The following DNAJC6 variants were observed in gnomAD, a reference collection of about 807,000 sequenced individuals.
DNAJC6 encodes auxilin.
Under a neutral mutation model 110.0 loss-of-function variants are expected in DNAJC6, and 34 were observed. The observed-to-expected ratio is 0.31, with a 90% CI of 0.24 to 0.41. The LOEUF is 0.41. Among genes scored for constraint, DNAJC6 ranks in the 10% least tolerant of loss-of-function variants. DNAJC6 has a pLI of 1.00. For synonymous variants in DNAJC6, 406 were observed against 437.2 expected, an observed-to-expected ratio of 0.93 and a Z score of 0.89; for missense variants, 1,031 against 1,207.8, an observed-to-expected ratio of 0.85 and a Z score of 2.17.
At chr1:65,300,604 A>C (rs1644970244) in intron 1 of DNAJC6, among the ~76,000 whole-genome samples, 1 of 152,220 alleles carries the variant, frequency 6.6e-6, no homozygotes, top group Non-Finnish European at 1.5e-5. Context: ...GATCACTAGC[A>C]ATCACTGCTT....
chr1:65,358,188 A>T (rs1321334064), intron 1 of DNAJC6, among the ~76,000 whole-genome samples: 2 of 151,678 alleles, frequency 1.3e-5, no homozygotes, highest in Non-Finnish European at 2.9e-5. Context: ...CAAAAAAAAA[A>T]AAAAAAAAAA....
chr1:65,275,285 A>G (rs1279624676), intron 1 of DNAJC6, among the ~76,000 whole-genome samples: 1 of 152,194 alleles, frequency 6.6e-6, no homozygotes, highest in Non-Finnish European at 1.5e-5. Flanking sequence ...AAATATTCTC[A>G]GTTTTTATGA....
chr1:65,385,698 A>G lies in DNAJC6; in HGVS notation c.801-14A>G, dbSNP rs758557034. On this transcript the variant is annotated splice_polypyrimidine_tract_variant and intron_variant, in intron 6 of 18. Coordinates refer to ENST00000371069, the MANE Select transcript of DNAJC6 (RefSeq NM_001256864.2). ...TGTGATGGGCCCCAAGAGAGTGCCA[A>G]CCTTCTGTTTCAGATACCTGGGCTA... is the stretch of plus-strand genomic sequence containing the variant. 6.4e-7 allele frequency: 1 copy of G among 1,566,730 alleles called. No individual in the cohort carries two copies. The highest frequency in any genetic ancestry group is 8.7e-7 in the Non-Finnish European group (1 of 1,147,788).
chr1:65,399,863 G>A (rs1159602666), intron 14 of DNAJC6, among the ~76,000 whole-genome samples: 4 of 152,110 alleles, frequency 2.6e-5, no homozygotes, highest in Non-Finnish European at 5.9e-5. Flanking sequence ...CATGTGACAG[G>A]ATTTCCTTCT....
At chr1:65,363,467 A>G (rs150179863) in intron 1 of DNAJC6, among the ~76,000 whole-genome samples, 1 of 152,272 alleles carries the variant, frequency 6.6e-6, no homozygotes, top group African/African-American at 2.4e-5. Context: ...ACTATGGAGA[A>G]TATCACATTG....
intron 13 of DNAJC6, 71 bp from the exon 14 acceptor site, chr1:65,398,742 T>C: frequency 6.6e-7 from 1 of 1,521,418 alleles, no homozygotes; most frequent in Non-Finnish European, 9.1e-7. Context: ...AATGGCATTA[T>C]CCTGTGTGAA....
chr1:65,361,823 A>AT (rs1019387003), intron 1 of DNAJC6, among the ~76,000 whole-genome samples: 2 of 152,180 alleles, frequency 1.3e-5, no homozygotes, highest in African/African-American at 2.4e-5. Context: ...TATGTATGTT[A>AT]TCAAAGTCAT....
At chr1:65,289,808 T>C (rs1466008942) in intron 1 of DNAJC6, among the ~76,000 whole-genome samples, 2 of 151,398 alleles carry the variant, frequency 1.3e-5, no homozygotes, top group Non-Finnish European at 2.9e-5. Context: ...ACTGTGTCAT[T>C]GTTGTTTTTT....
At position 65,309,985 on chromosome 1, in the gene DNAJC6, C is replaced by T. The variant is rs1387601175; in HGVS notation, c.193+47C>T. 8 of 1,361,596 alleles carry T rather than the reference C, an allele frequency of 5.9e-6. No individual in the cohort carries two copies. The East Asian group carries it at 1.9e-4, about 32-fold the overall frequency. The allele number at this position is 1,361,596 out of a possible 1,614,324, so 84.3% of individuals were successfully genotyped here. ...GCAGCGCTGAGCCCCGCGCGGCCTC[C>T]GGAGCCTCCCAGTCGCCCGGCCCGA... On this transcript the variant is annotated intron_variant, in intron 1 of 18. Transcript: ENST00000371069.
chr1:65,278,738 G>A (rs567091117), intron 1 of DNAJC6, among the ~76,000 whole-genome samples: 1 of 152,306 alleles, frequency 6.6e-6, no homozygotes, highest in Non-Finnish European at 1.5e-5. Flanking sequence ...TTATGGACGA[G>A]GGAATTGAAG....
intron 4 of DNAJC6, among the ~76,000 whole-genome samples, chr1:65,368,883 T>C (rs1382784852): frequency 2.0e-5 from 3 of 151,558 alleles, no homozygotes; most frequent in Non-Finnish European, 2.9e-5. Context: ...CTGATTCTTG[T>C]ACCTCAGTCA....
chr1:65,366,766 G>A (rs933715689), intron 4 of DNAJC6, among the ~76,000 whole-genome samples: 10 of 152,062 alleles, frequency 6.6e-5, no homozygotes, highest in African/African-American at 9.7e-5. Context: ...CTAAAAAAAG[G>A]CATTTTTTTC....
In DNAJC6 at chr1:65,389,619, G is replaced by A; in HGVS notation, c.1460G>A (p.Cys487Tyr). 1.2e-6 allele frequency: 2 copies of A among 1,614,016 alleles called. No homozygotes were observed. The highest frequency in any genetic ancestry group is 1.7e-6 in the Non-Finnish European group (2 of 1,179,894). ...CAAAGTGGTTTCTTTGCCTCTCTCTGTTGGCAAGGTATTTACAAGTGTTTC... is the reference window on the plus strand; with the variant it reads ...CAAAGTGGTTTCTTTGCCTCTCTCTATTGGCAAGGTATTTACAAGTGTTTC... ...YGQSGFFASL[C>Y]WQDQKSEKSF... The change falls in exon 11 of 19, where the codon TGT (cysteine) becomes TAT (tyrosine). Residue 487 changes from cysteine to tyrosine, a missense_variant. Transcript: ENST00000371069.
intron 13 of DNAJC6, among the ~76,000 whole-genome samples, chr1:65,397,062 T>C (rs1158702952): frequency 1.4e-4 from 22 of 152,246 alleles, no homozygotes; most frequent in Admixed American, 1.4e-3. Context: ...GATTAGAACA[T>C]GGTGTTTATA....
chr1:65,307,624 C>T (rs967914978), upstream of DNAJC6, among the ~76,000 whole-genome samples: 2 of 151,978 alleles, frequency 1.3e-5, no homozygotes, highest in Non-Finnish European at 2.9e-5. Context: ...TTTGTCAGGG[C>T]ACATGATGAA....
chr1:65,285,463 T>TGTTTATGAATTATGATTATGAGTTATGAA (rs1283507824), intron 1 of DNAJC6, among the ~76,000 whole-genome samples: 2 of 152,162 alleles, frequency 1.3e-5, no homozygotes, highest in African/African-American at 2.4e-5. Flanking sequence ...GTTTTATGAA[T>TGTTTATGAATTATGATTATGAGTTATGAA]TGTTGCCTGA....
chr1:65,322,663 AT>A (rs1645207607), intron 1 of DNAJC6, among the ~76,000 whole-genome samples: 1 of 152,218 alleles, frequency 6.6e-6, no homozygotes, highest in Admixed American at 6.5e-5. Context: ...TGCAGTTCAC[AT>A]TATGATAGAT....
chr1:65,411,946 G>C (rs761937767), intron 18 of DNAJC6, among the ~76,000 whole-genome samples: 16 of 152,138 alleles, frequency 1.1e-4, no homozygotes, highest in Non-Finnish European at 1.9e-4. Flanking sequence ...ACTCCAGCCT[G>C]GGCAACAGAG....
chr1:65,332,631 T>C (rs561827757), intron 1 of DNAJC6, among the ~76,000 whole-genome samples: 2 of 152,332 alleles, frequency 1.3e-5, no homozygotes, highest in Non-Finnish European at 2.9e-5. Context: ...TGCTTAGGTA[T>C]GTTTGGAAAA....
Sources: allele counts gnomAD v4.1 joint callset (sites outside exome capture counted in the v4.1 genomes callset), GRCh38; gene constraint gnomAD v4.1.1; transcripts MANE v1.5; gene names NCBI Gene and HGNC (gene_info 2026-07-23, HGNC 2026-07-21).